The following CSMD1 variants were observed in gnomAD, a reference collection of about 807,000 sequenced individuals.
The protein encoded by CSMD1 is CUB and Sushi multiple domains 1.
In CSMD1, 213 loss-of-function variants were observed where a neutral mutation model predicts 417.5. The observed-to-expected ratio is 0.51, with a 90% CI of 0.46 to 0.57. The LOEUF is 0.57. CSMD1 is among the 20% of genes least tolerant of loss of function. CSMD1 has a pLI of 0.00. For missense variants in CSMD1, 6,923 were observed against 4,529.7 expected, an observed-to-expected ratio of 1.53 and a Z score of -15.17; for synonymous variants, 2,862 against 1,736.8, an observed-to-expected ratio of 1.65 and a Z score of -16.11.
intron 1 of CSMD1, among the ~76,000 whole-genome samples, chr8:4,847,202 C>T (rs914041257): frequency 1.3e-5 from 2 of 152,140 alleles, no homozygotes; most frequent in Non-Finnish European, 2.9e-5. Flanking sequence ...AGGTCTCTCA[C>T]TATATGAAAT....
intron 6 of CSMD1, among the ~76,000 whole-genome samples, chr8:3,717,915 G>C (rs1004945398): frequency 6.6e-6 from 1 of 152,014 alleles, no homozygotes; most frequent in Non-Finnish European, 1.5e-5. Context: ...GCTAGAACTA[G>C]AATTCTTTAG....
intron 1 of CSMD1, among the ~76,000 whole-genome samples, chr8:4,945,468 G>C (rs1440008105): frequency 2.6e-5 from 4 of 151,624 alleles, no homozygotes; most frequent in East Asian, 3.9e-4. Flanking sequence ...GCTGAGGTGG[G>C]CGGATTACTT....
At chr8:4,444,707 C>T (rs532287920) in intron 2 of CSMD1, among the ~76,000 whole-genome samples, 3 of 152,250 alleles carry the variant, frequency 2.0e-5, no homozygotes, top group South Asian at 4.1e-4. Flanking sequence ...TCACTCTAAG[C>T]ACAGGTGCAT....
Position 3,133,539 on chromosome 8 carries a change from C to T in CSMD1, c.6241+8926G>A, listed in dbSNP as rs535276200. On this transcript the variant is annotated intron_variant, in intron 41 of 69. Transcript: ENST00000635120. The stretch of plus-strand genomic sequence containing the variant: ...GAAGGCTCACGTGGACACCGGCAGA[C>T]GAGAGTGAAGCCCCTAACCCACCAG... 5.9e-5 allele frequency among the ~76,000 whole-genome samples: 9 copies of T among 152,232 alleles called. No homozygotes were observed. The South Asian group carries it at 6.2e-4, about 11-fold the overall frequency.
intron 11 of CSMD1, among the ~76,000 whole-genome samples, chr8:3,478,241 T>C (rs1563076501): frequency 6.6e-6 from 1 of 152,224 alleles, no homozygotes; most frequent in Non-Finnish European, 1.5e-5. Context: ...ATTATCTGAA[T>C]TATAAATTGT....
At chr8:4,376,681 G>T (rs927835192) in intron 3 of CSMD1, among the ~76,000 whole-genome samples, 1 of 152,104 alleles carries the variant, frequency 6.6e-6, no homozygotes. Context: ...CGTTGTTAAC[G>T]CTGAATATTA....
At chr8:3,661,351 T>C (rs117966045) in intron 7 of CSMD1, among the ~76,000 whole-genome samples, 191 of 152,262 alleles carry the variant, frequency 1.3e-3, no homozygotes, top group East Asian at 9.1e-3. Context: ...CAGCTGTTTC[T>C]CCACCTCACT....
chr8:4,196,492 G>C (rs1467082726), intron 3 of CSMD1, among the ~76,000 whole-genome samples: 4 of 152,216 alleles, frequency 2.6e-5, no homozygotes, highest in East Asian at 1.9e-4. Context: ...TTAGAATCCA[G>C]TTTGTTACAT....
intron 3 of CSMD1, among the ~76,000 whole-genome samples, chr8:4,159,744 A>G (rs1435715935): frequency 1.3e-5 from 2 of 152,142 alleles, no homozygotes; most frequent in South Asian, 2.1e-4. Context: ...GCCCGCCACC[A>G]CGCCCGGCTA....
At chr8:4,738,969 T>C (rs1810425941) in intron 1 of CSMD1, among the ~76,000 whole-genome samples, 1 of 151,774 alleles carries the variant, frequency 6.6e-6, no homozygotes, top group South Asian at 2.1e-4. Context: ...TTGAATAATA[T>C]ACCTTCTCTT....
At chr8:3,600,484 T>G (rs1286116372) in intron 8 of CSMD1, among the ~76,000 whole-genome samples, 1 of 152,168 alleles carries the variant, frequency 6.6e-6, no homozygotes, top group African/African-American at 2.4e-5. Flanking sequence ...CAGGGTTGAT[T>G]GGAAAAGGGA....
chr8:4,107,847 T>G (rs1222798249), intron 3 of CSMD1, among the ~76,000 whole-genome samples: 1 of 152,196 alleles, frequency 6.6e-6, no homozygotes, highest in Non-Finnish European at 1.5e-5. Flanking sequence ...GGCTGCACAT[T>G]CTCTCTGATG....
intron 10 of CSMD1, among the ~76,000 whole-genome samples, chr8:3,505,692 G>C (rs892249626): frequency 3.3e-5 from 5 of 152,144 alleles, no homozygotes; most frequent in African/African-American, 1.2e-4. Context: ...AGAGGTACTG[G>C]ACCAACAACA....
intron 7 of CSMD1, among the ~76,000 whole-genome samples, chr8:3,680,053 T>C (rs1257458677): frequency 2.0e-5 from 3 of 152,048 alleles, no homozygotes; most frequent in Non-Finnish European, 4.4e-5. Flanking sequence ...GAGGAAAATT[T>C]ATAACACTAA....
At chr8:4,544,443 G>A (rs900821724) in intron 2 of CSMD1, among the ~76,000 whole-genome samples, 7 of 151,944 alleles carry the variant, frequency 4.6e-5, no homozygotes, top group African/African-American at 1.5e-4. Flanking sequence ...ATAGTTATAT[G>A]TAGTTTACTC....
intron 2 of CSMD1, among the ~76,000 whole-genome samples, chr8:4,578,521 TA>T (rs1164695925): frequency 9.9e-5 from 15 of 151,602 alleles, no homozygotes; most frequent in African/African-American, 3.6e-4. Context: ...TGTTTTATTA[TA>T]AAACCTATCT....
At chr8:3,453,776 A>T (rs1373132569) in intron 12 of CSMD1, among the ~76,000 whole-genome samples, 1 of 152,184 alleles carries the variant, frequency 6.6e-6, no homozygotes, top group Non-Finnish European at 1.5e-5. Flanking sequence ...TGCTGAAAAG[A>T]ATATATATTC....
rs542021264 is a variant in CSMD1 at position 3,396,729 on chromosome 8, T to C, written c.2406-348A>G. Among the ~76,000 whole-genome samples the C allele has an allele frequency of 4.1e-4, 63 of 152,200 alleles. 1 individual carries two copies. The South Asian group carries it at 7.3e-3, about 18-fold the overall frequency. ...GATAGACAAATAGATTATTCCCAAA[T>C]AGAAAAAACTCAATTATATATTTTT... On this transcript the variant is annotated intron_variant, in intron 16 of 69. Transcript: ENST00000635120.
chr8:3,714,654 T>C (rs1157883255), intron 6 of CSMD1, among the ~76,000 whole-genome samples: 1 of 150,954 alleles, frequency 6.6e-6, no homozygotes, highest in East Asian at 1.9e-4. Context: ...CTAGAATTGC[T>C]TGAACCCCGG....
Sources: gnomAD v4.1 joint callset for allele counts (sites outside exome capture counted in the v4.1 genomes callset) on GRCh38, gnomAD v4.1.1 for gene constraint, MANE v1.5 for transcripts, NCBI Gene and HGNC (gene_info 2026-07-23, HGNC 2026-07-21) for gene names.